CACNA1F: variants seen among roughly 807,000 people sequenced by gnomAD.
CACNA1F encodes calcium voltage-gated channel subunit alpha1 F.
CACNA1F carries 59 observed loss-of-function variants against 143.8 expected under a neutral mutation model. The ratio of observed to expected loss-of-function variants is 0.41; its 90% CI spans 0.33 to 0.51. CACNA1F has a LOEUF of 0.51. CACNA1F is among the 20% of genes least tolerant of loss of function. CACNA1F has a pLI of 0.22. For synonymous variants in CACNA1F, 643 were observed against 649.1 expected (o/e 0.99, Z 0.14); for missense variants, 1,411 against 1,647.5 (o/e 0.86, Z 2.48).
intron 14 of CACNA1F, among the ~76,000 whole-genome samples, chrX:49,224,511 G>A (rs916152358): frequency 1.8e-5 from 2 of 110,668 alleles, no homozygotes; most frequent in South Asian, 3.9e-4. Context: ...AAACGTTAGA[G>A]CAGGAGTTGA....
At position 49,219,515 on chromosome X, in the gene CACNA1F, G is replaced by C. The variant is rs1365679288; in HGVS notation, c.2544-65C>G. On this transcript the variant is annotated intron_variant, in intron 20 of 47. Transcript: ENST00000323022. ...ACAGAATTGTTCAGGGATTCCAAGGGATACAGTTCTGGCCCTGACACAACA... is the reference window on the plus strand; with the variant it reads ...ACAGAATTGTTCAGGGATTCCAAGGCATACAGTTCTGGCCCTGACACAACA... 6 of 1,185,800 alleles carry C rather than the reference G, an allele frequency of 5.1e-6. No individual in the cohort carries two copies. The Admixed American group carries it at 1.4e-4, about 28-fold the overall frequency.
chrX:49,233,169 G>A, intron 1 of CACNA1F, 116 bp downstream of exon 1: 1 of 614,207 alleles, frequency 1.6e-6, no homozygotes, highest in Non-Finnish European at 2.5e-6. Flanking sequence ...GGAACAGGGT[G>A]ATGTGGTTCT....
rs1557104896 is a variant in CACNA1F at position 49,206,504 on chromosome X, G to A, written c.5472+7C>T. ...CCCAGACCCCAGCACCACCTCCACAGCCTCACCTGAGCCCTATTGGGCCCT... is the reference window on the plus strand; with the variant it reads ...CCCAGACCCCAGCACCACCTCCACAACCTCACCTGAGCCCTATTGGGCCCT... On this transcript the variant is annotated splice_region_variant and intron_variant, in intron 46 of 47. Transcript: ENST00000323022. The A allele has an allele frequency of 8.7e-7, 1 of 1,143,187 alleles. No individual in the cohort carries two copies. Among genetic ancestry groups the A allele is most frequent in the Admixed American group, 2.2e-5 (1 of 44,713 alleles). The allele number at this position is 1,143,187 out of a possible 1,213,427, so 94.2% of individuals were successfully genotyped here.
chrX:49,223,210 C>A lies in CACNA1F; in HGVS notation c.1878-74G>T, dbSNP rs781910503. On this transcript the variant is annotated intron_variant, in intron 14 of 47. Coordinates refer to ENST00000323022, the MANE Select transcript of CACNA1F (RefSeq NM_001256789.3). ...ATGGCTGGAGCATCAGGAGCCAGGG[C>A]AGGGCTCCAGCTTGAGATGCACCTC... 1.1e-4 allele frequency: 73 copies of A among 679,522 alleles called. 1 individual carries two copies. The South Asian group carries it at 1.7e-3, about 15-fold the overall frequency. The allele number at this position is 679,522 out of a possible 1,213,427, so 56.0% of individuals were successfully genotyped here. A position where few individuals can be genotyped will look rare whatever the true frequency, so the allele number is the denominator to read the frequency against.
Position 49,230,304 on chromosome X carries a change from G to C in CACNA1F, c.733C>G (p.Leu245Val). 1 of 1,208,203 alleles carries C rather than the reference G, an allele frequency of 8.3e-7. No homozygotes were observed. The highest frequency in any genetic ancestry group is 1.1e-6 in the Non-Finnish European group (1 of 893,077). Residue 245 changes from leucine (L) to valine (V), a missense_variant, in exon 6 of 48, where the codon CTC becomes GTC. By Grantham distance (32) the Leu-to-Val change is conservative. Around this residue, in one of 3 missense-constraint regions of CACNA1F, gnomAD observed 950 missense variants for 1,128.1 expected, o/e 0.84. Transcript: ENST00000323022. ...ATGGCATAAATGATGATGACGAAGA[G>C]CACGAGCAGTGCAATGTGCAGCAGC... ...VPLLHIALLV[L>V]FVIIIYAIIG... is the part of the protein sequence containing the mutation.
At position 49,227,071 on chromosome X, in the gene CACNA1F, C is replaced by T. The variant is rs782650423; in HGVS notation, c.1175G>A (p.Arg392Gln). The T allele has an allele frequency of 5.0e-5, 60 of 1,204,139 alleles. No homozygotes were observed. The highest frequency in any genetic ancestry group is 2.4e-5 in the Non-Finnish European group (21 of 891,746). Residue 392 changes from arginine to glutamine, a missense_variant, in exon 9 of 48, where the codon CGG becomes CAG. By Grantham distance (43) the Arg-to-Gln change is conservative. This residue lies in a region of CACNA1F where 950 missense variants were observed against 1,128.1 expected (regional missense o/e 0.84). Transcript: ENST00000323022. ...GTCTTCCTCCATCTGCTGCTTCTCC[C>T]GCTGCTTCTGGAAGTCCCCGCGAGC... Reference protein sequence around the residue: ...AKARGDFQKQREKQQMEEDLR... With the variant: ...AKARGDFQKQQEKQQMEEDLR...
Position 49,215,434 on chromosome X carries a change from A to G in CACNA1F, c.3346T>C (p.Phe1116Leu). 2 of 1,205,622 alleles carry G rather than the reference A, an allele frequency of 1.7e-6. No individual in the cohort carries two copies. Among genetic ancestry groups the G allele is most frequent in the Non-Finnish European group, 2.2e-6 (2 of 890,238 alleles). The part of the protein sequence containing the change: ...FIVYIIIIAF[F>L]MMNIFVGFVI... ...AAGCCCACGAAGATGTTCATCATGA[A>G]GAACGCAATGATGATGATGTAGACA... The change falls in exon 28 of 48, where the codon TTC (phenylalanine) becomes CTC (leucine). Residue 1116 changes from phenylalanine (F) to leucine (L), a missense_variant. Around this residue, in one of 3 missense-constraint regions of CACNA1F, gnomAD observed 950 missense variants for 1,128.1 expected, o/e 0.84. Coordinates refer to ENST00000323022, the MANE Select transcript of CACNA1F (RefSeq NM_001256789.3).
Position 49,228,356 on chromosome X carries a change from C to A in CACNA1F, c.909G>T (p.Trp303Cys), listed in dbSNP as rs782020175. ...TGGTGATGCCTCCATTGGGCCCTGG[C>A]CAGCGCCCGCGGCACTCAGTCTGGT... ...TLNQTECRGR[W>C]PGPNGGITNF... The change falls in exon 7 of 48, where the codon TGG becomes TGT. Residue 303 changes from tryptophan (W) to cysteine (C), a missense_variant. Trp to Cys is a radical substitution (Grantham distance 215). Coordinates refer to ENST00000323022, the MANE Select transcript of CACNA1F (RefSeq NM_001256789.3). 8.3e-7 allele frequency: 1 copy of A among 1,210,285 alleles called. No homozygotes were observed. The highest frequency in any genetic ancestry group is 1.1e-6 in the Non-Finnish European group (1 of 894,315).
chrX:49,219,854 T>A, intron 19 of CACNA1F, 64 bp from the exon 20 acceptor site: 1 of 662,525 alleles, frequency 1.5e-6, no homozygotes, highest in East Asian at 3.5e-5. Context: ...CCCAGAACAG[T>A]GTTTGCCACG....
chrX:49,214,700 C>T (rs781929487), intron 29 of CACNA1F, among the ~76,000 whole-genome samples: 4 of 111,600 alleles, frequency 3.6e-5, no homozygotes, highest in African/African-American at 9.8e-5. Flanking sequence ...GCATGGGTCC[C>T]GGATGAACAA....
In CACNA1F at chrX:49,226,180, T is replaced by G. The variant is rs782615756; in HGVS notation, c.1490+37A>C. On this transcript the variant is annotated intron_variant, in intron 12 of 47. Transcript: ENST00000323022. Reference sequence around the variant, plus strand: ...GCTTGGAGGTGGGGGGTTTCAAAGTTATGGAGTCAAGGATTTGCACAACTT... The same window carrying G: ...GCTTGGAGGTGGGGGGTTTCAAAGTGATGGAGTCAAGGATTTGCACAACTT... The G allele has an allele frequency of 2.5e-6, 3 of 1,179,381 alleles. No individual in the cohort carries two copies. The African/African-American group carries it at 5.3e-5, about 21-fold the overall frequency.
At chrX:49,217,379 G>A (rs782717469) in intron 26 of CACNA1F, among the ~76,000 whole-genome samples, 1 of 112,753 alleles carries the variant, frequency 8.9e-6, no homozygotes, top group East Asian at 2.8e-4. Flanking sequence ...TTTTTCAGTT[G>A]AGTGAAATGG....
At chrX:49,219,278 T>C (rs1557108228) in intron 21 of CACNA1F, 43 bp downstream of exon 21, 3 of 1,185,644 alleles carry the variant, frequency 2.5e-6, no homozygotes, top group Non-Finnish European at 3.4e-6. Context: ...AGGACACCCC[T>C]GGGAGTGTCC....
intron 3 of CACNA1F, 24 bp downstream of exon 3, chrX:49,231,178 T>C (rs938016997): frequency 4.4e-5 from 46 of 1,040,503 alleles, no homozygotes; most frequent in Non-Finnish European, 5.9e-5. Context: ...GGCTGGGAAC[T>C]GGCTGGGGCG....
chrX:49,231,162 CTATT>C, intron 3 of CACNA1F, 36 bp downstream of exon 3: 1 of 973,957 alleles, frequency 1.0e-6, no homozygotes, highest in South Asian at 2.1e-5. Flanking sequence ...TACTGGGGCT[CTATT>C]TGGCTGGGAA....
intron 6 of CACNA1F, among the ~76,000 whole-genome samples, chrX:49,229,101 T>C (rs782655736): frequency 8.9e-6 from 1 of 112,333 alleles, no homozygotes; most frequent in East Asian, 2.8e-4. Flanking sequence ...GGGTAAATGG[T>C]CTGAGTGTAT....
In CACNA1F at chrX:49,216,513, T is replaced by C. The variant is rs377454650; in HGVS notation, c.3105A>G (p.Val1035=). 25 of 1,202,525 alleles carry C rather than the reference T, an allele frequency of 2.1e-5. 1 individual carries two copies. The highest frequency in any genetic ancestry group is 2.5e-5 in the Non-Finnish European group (22 of 891,106). ...TPQECKGSFL[V]YPDGDVSRPL... ...GCCGTGACACGTCTCCATCTGGGTA[T>C]ACCAGGAAGGAGCCCCTGTGGATGT... The change falls in exon 27 of 48, where the codon GTA becomes GTG. Residue 1035 remains valine, a synonymous_variant. Coordinates refer to ENST00000323022, the MANE Select transcript of CACNA1F (RefSeq NM_001256789.3).
Position 49,226,017 on chromosome X carries a change from C to T in CACNA1F, c.1543G>A (p.Val515Met), listed in dbSNP as rs781818336. ...RVLRARCRRAVKSNACYWAVL... is the reference protein window; with the variant it reads ...RVLRARCRRAMKSNACYWAVL... ...GCCCAGTAGCAGGCATTGGACTTCA[C>T]TGCCCGACGGCAGCGTGCCCGAAGG... The change falls in exon 13 of 48, where the codon GTG (valine) becomes ATG (methionine). Residue 515 changes from valine (V) to methionine (M), a missense_variant. Around this residue, in one of 3 missense-constraint regions of CACNA1F, gnomAD observed 950 missense variants for 1,128.1 expected, o/e 0.84. Coordinates refer to ENST00000323022, the MANE Select transcript of CACNA1F (RefSeq NM_001256789.3). The T allele has an allele frequency of 5.9e-6, 7 of 1,184,632 alleles. No homozygotes were observed. The highest frequency in any genetic ancestry group is 7.9e-6 in the Non-Finnish European group (7 of 882,124).
chrX:49,205,813 C>T lies in CACNA1F; in HGVS notation c.5473G>A (p.Gly1825Ser). Residue 1825 changes from glycine (G) to serine (S), a missense_variant and splice_region_variant, in exon 47 of 48, where the codon GGT (glycine) becomes AGT (serine). By Grantham distance (56) the Gly-to-Ser change is moderately conservative (BLOSUM62 0). This residue lies in a region of CACNA1F where 349 missense variants were observed against 350.2 expected (regional missense o/e 1.00). Coordinates refer to ENST00000323022, the MANE Select transcript of CACNA1F (RefSeq NM_001256789.3). ...GRNSGPNRAQ[G>S]SWATPPQRGR... ...CGCTGAGGTGGTGTTGCCCAGGAAC[C>T]CTGAGCCAGAATAAACATCAGAGGG... 2.5e-6 allele frequency: 3 copies of T among 1,197,141 alleles called. No homozygotes were observed. The highest frequency in any genetic ancestry group is 3.4e-6 in the Non-Finnish European group (3 of 887,909).
Sources: allele counts gnomAD v4.1 joint callset (sites outside exome capture counted in the v4.1 genomes callset), GRCh38; gene constraint gnomAD v4.1.1; regional missense constraint gnomAD v4.1.1; transcripts MANE v1.5; gene names NCBI Gene and HGNC (gene_info 2026-07-23, HGNC 2026-07-21).